The following DAW1 variants were observed in gnomAD, a reference collection of about 807,000 sequenced individuals.
DAW1 encodes dynein assembly factor with WD repeat domains 1.
DAW1 carries 47 observed loss-of-function variants against 56.5 expected under a neutral mutation model. The ratio of observed to expected loss-of-function variants is 0.83; its 90% confidence interval spans 0.66 to 1.06. DAW1 has a LOEUF of 1.06. DAW1 is among the 50% of genes least tolerant of loss of function. DAW1 has a pLI of 0.00. For synonymous variants in DAW1, 190 were observed against 179.0 expected, an observed-to-expected ratio of 1.06 and a Z score of -0.49; for missense variants, 505 against 499.3, an observed-to-expected ratio of 1.01 and a Z score of -0.11.
intron 1 of DAW1, among the ~76,000 whole-genome samples, chr2:227,879,415 A>G (rs1433244778): frequency 6.6e-6 from 1 of 151,970 alleles, no homozygotes; most frequent in Middle Eastern, 3.2e-3. Context: ...TTTCTTTTTA[A>G]AAATCATTTT....
At position 227,877,798 on chromosome 2, in the gene DAW1, G is replaced by A. The variant is rs115731580; in HGVS notation, c.40+6069G>A. Among the ~76,000 whole-genome samples, 1,061 of 152,362 alleles carry A rather than the reference G, an allele frequency of 7.0e-3. 13 individuals are homozygous for A. The highest frequency in any genetic ancestry group is 0.024 in the African/African-American group (1,006 of 41,600). ...AGGCTGAATGAGCTCAGGCAGTAATGCTCACTTGCCCGCCACTCACCTCCT... is the reference window on the plus strand; with the variant it reads ...AGGCTGAATGAGCTCAGGCAGTAATACTCACTTGCCCGCCACTCACCTCCT... On this transcript the variant is annotated intron_variant, in intron 1 of 12. Transcript: ENST00000309931.
intron 1 of DAW1, among the ~76,000 whole-genome samples, chr2:227,876,233 G>C (rs1690879663): frequency 6.6e-6 from 1 of 152,174 alleles, no homozygotes; most frequent in South Asian, 2.1e-4. Flanking sequence ...TGTTAGCCAG[G>C]ATGGTCTTGA....
Position 227,909,449 on chromosome 2 carries a change from TACAC to T in DAW1, c.973+2205_973+2208del, listed in dbSNP as rs113015919. On this transcript the variant is annotated intron_variant, in intron 10 of 12. Transcript: ENST00000309931. ...TAGTATATAACCAATAGTATATAAATACACACACACATATATATAGTATATAACC... is the reference window on the plus strand; with the variant it reads ...TAGTATATAACCAATAGTATATAAATACACACATATATATAGTATATAACC... Among the ~76,000 whole-genome samples the T allele has an allele frequency of 1.0e-3, 153 of 149,638 alleles. 2 individuals are homozygous for T. The highest frequency in any genetic ancestry group is 5.7e-3 in the Admixed American group (85 of 14,938).
intron 10 of DAW1, among the ~76,000 whole-genome samples, chr2:227,912,774 C>T (rs1487536310): frequency 1.3e-5 from 2 of 152,038 alleles, no homozygotes; most frequent in Admixed American, 1.3e-4. Flanking sequence ...AAAAAGCTGC[C>T]ATGTGTCTGC....
intron 1 of DAW1, among the ~76,000 whole-genome samples, chr2:227,881,256 C>T (rs911836418): frequency 6.6e-6 from 1 of 152,174 alleles, no homozygotes; most frequent in Non-Finnish European, 1.5e-5. Flanking sequence ...ACTGCTAGAG[C>T]ATTTTGAAAG....
Position 227,912,353 on chromosome 2 carries a change from C to T in DAW1, c.973+5101C>T, listed in dbSNP as rs369015405. 48 of 1,304,430 alleles carry T rather than the reference C, an allele frequency of 3.7e-5. No homozygotes were observed. In the East Asian group the frequency reaches 6.7e-4, roughly 18 times the overall value. The allele number at this position is 1,304,430 out of a possible 1,614,324, so 80.8% of individuals were successfully genotyped here. ...GTTCAAGCGATTCTCCTGCCTCAGC[C>T]GCCCGAGTTATGTCACGTTCTTGGT... is the stretch of plus-strand genomic sequence containing the variant. On this transcript the variant is annotated intron_variant, in intron 10 of 12. Coordinates refer to ENST00000309931, the MANE Select transcript of DAW1 (RefSeq NM_178821.3).
chr2:227,898,600 G>A (rs926213055), intron 6 of DAW1, among the ~76,000 whole-genome samples: 5 of 152,096 alleles, frequency 3.3e-5, no homozygotes, highest in African/African-American at 1.2e-4. Context: ...GATTACAGGC[G>A]GGACCCACTG....
chr2:227,905,122 A>G (rs1574662966), intron 8 of DAW1, 87 bp downstream of exon 8: 2 of 1,009,332 alleles, frequency 2.0e-6, no homozygotes, highest in African/African-American at 1.7e-5. Flanking sequence ...GCTACTATCT[A>G]TTAACTCTGC....
At chr2:227,911,266 A>G (rs13009573) in intron 10 of DAW1, among the ~76,000 whole-genome samples, 44,335 of 141,472 alleles carry the variant, frequency 0.31, 9,593 homozygotes, top group East Asian at 0.48. Flanking sequence ...ACGTGTATAT[A>G]CACATATACA....
chr2:227,879,300 GT>G (rs1456636286), intron 1 of DAW1, among the ~76,000 whole-genome samples: 1 of 151,840 alleles, frequency 6.6e-6, no homozygotes, highest in Admixed American at 6.6e-5. Flanking sequence ...CATCTATTTT[GT>G]TTTTTATTTT....
At chr2:227,874,208 G>T (rs1222143719) in intron 1 of DAW1, among the ~76,000 whole-genome samples, 3 of 152,062 alleles carry the variant, frequency 2.0e-5, no homozygotes, top group African/African-American at 7.2e-5. Flanking sequence ...CAGAATAACG[G>T]CTTCTCACCA....
chr2:227,912,394 T>C, intron 10 of DAW1: 1 of 1,304,898 alleles, frequency 7.7e-7, no homozygotes, highest in Non-Finnish European at 1.0e-6. Flanking sequence ...TGTTTGATGT[T>C]ATCCGGTGTG....
chr2:227,913,800 C>T (rs190676259), intron 10 of DAW1, among the ~76,000 whole-genome samples: 1 of 152,154 alleles, frequency 6.6e-6, no homozygotes, highest in Admixed American at 6.5e-5. Flanking sequence ...GCTACAGTGT[C>T]TCTGTCATCT....
chr2:227,876,360 T>C (rs1690883557), intron 1 of DAW1: 1 of 1,116,688 alleles, frequency 9.0e-7, no homozygotes, highest in African/African-American at 1.6e-5. Context: ...TCTTGACTCA[T>C]GTTTGCGACT....
At chr2:227,917,162 G>A (rs145314731) in intron 10 of DAW1, among the ~76,000 whole-genome samples, 61 of 150,842 alleles carry the variant, frequency 4.0e-4, no homozygotes, top group African/African-American at 1.4e-3. Flanking sequence ...CTGTCTGTCT[G>A]TCTGTCTGTC....
intron 6 of DAW1, 82 bp from the exon 7 acceptor site, chr2:227,902,920 T>A (rs1286447150): frequency 7.3e-7 from 1 of 1,372,882 alleles, no homozygotes; most frequent in Non-Finnish European, 1.0e-6. Flanking sequence ...GGTAAGGTAA[T>A]TGCATCTGGA....
chr2:227,905,323 A>G (rs894213286), intron 8 of DAW1, among the ~76,000 whole-genome samples: 5 of 152,190 alleles, frequency 3.3e-5, no homozygotes, highest in African/African-American at 9.7e-5. Flanking sequence ...TCAGATTTCA[A>G]TGGCTTGTCA....
chr2:227,914,477 T>C (rs976369889), intron 10 of DAW1, among the ~76,000 whole-genome samples: 1 of 152,110 alleles, frequency 6.6e-6, no homozygotes, highest in Admixed American at 6.5e-5. Context: ...GATTCTACGC[T>C]GAGCCATCAT....
At chr2:227,888,012 T>C (rs1049471902) in intron 2 of DAW1, among the ~76,000 whole-genome samples, 1 of 152,234 alleles carries the variant, frequency 6.6e-6, no homozygotes, top group African/African-American at 2.4e-5. Flanking sequence ...TTTTTACCCT[T>C]TTAATTGTTA....
Sources: gnomAD v4.1 joint callset for allele counts (sites outside exome capture counted in the v4.1 genomes callset) on GRCh38, gnomAD v4.1.1 for gene constraint, MANE v1.5 for transcripts, NCBI Gene and HGNC (gene_info 2026-07-23, HGNC 2026-07-21) for gene names.